Variants in CDYL observed in about 807,000 individuals in gnomAD.
CDYL encodes the protein chromodomain Y-like protein.
Under a neutral mutation model 47.3 loss-of-function variants are expected in CDYL, and 8 were observed. That is an observed-to-expected ratio of 0.17 (90% CI 0.10 to 0.31). CDYL has a LOEUF of 0.31. CDYL is among the 10% of genes least tolerant of loss of function. The pLI is 1.00. For missense variants in CDYL, 471 were observed against 701.4 expected, an observed-to-expected ratio of 0.67 and a Z score of 3.71; for synonymous variants, 266 against 265.0, an observed-to-expected ratio of 1.00 and a Z score of -0.04.
chr6:4,896,427 C>A (rs1762285642), intron 2 of CDYL, among the ~76,000 whole-genome samples: 1 of 152,182 alleles, frequency 6.6e-6, no homozygotes, highest in Admixed American at 6.5e-5. Flanking sequence ...CGGTGCTCTG[C>A]AAGTACTTGT....
chr6:4,890,856 A>G (rs1762022704), intron 1 of CDYL, among the ~76,000 whole-genome samples: 2 of 152,260 alleles, frequency 1.3e-5, no homozygotes, highest in Non-Finnish European at 2.9e-5. Context: ...ATGCTTTTAT[A>G]GTAACTGCAG....
chr6:4,952,186 C>G, intron 5 of CDYL, 80 bp from the exon 6 acceptor site: 2 of 1,486,176 alleles, frequency 1.3e-6, no homozygotes, highest in Middle Eastern at 2.0e-4. Context: ...TGTTTCCCTT[C>G]GGTGTGGATT....
intron 3 of CDYL, 115 bp downstream of exon 3, chr6:4,935,886 C>T: frequency 6.8e-7 from 1 of 1,475,044 alleles, no homozygotes; most frequent in East Asian, 2.3e-5. Context: ...TTTGGGCCAT[C>T]TCCCGATGCC....
At chr6:4,754,073 T>C (rs1343830020) in intron 3 of CDYL, among the ~76,000 whole-genome samples, 2 of 152,122 alleles carry the variant, frequency 1.3e-5, no homozygotes. Context: ...AGTTTGAAGC[T>C]GCAGTGAGCT....
At chr6:4,877,014 C>T (rs1227087924) in intron 1 of CDYL, among the ~76,000 whole-genome samples, 1 of 152,224 alleles carries the variant, frequency 6.6e-6, no homozygotes, top group Non-Finnish European at 1.5e-5. Context: ...CACGTGAGGG[C>T]ACATAAAATG....
chr6:4,906,439 T>C (rs1757238997), intron 2 of CDYL, among the ~76,000 whole-genome samples: 1 of 152,178 alleles, frequency 6.6e-6, no homozygotes, highest in South Asian at 2.1e-4. Context: ...CTGACCCTTC[T>C]CTGGGAGTGC....
intron 1 of CDYL, among the ~76,000 whole-genome samples, chr6:4,856,291 A>C (rs1411772803): frequency 2.0e-5 from 3 of 152,338 alleles, no homozygotes; most frequent in Non-Finnish European, 1.5e-5. Context: ...TTGAAATTTT[A>C]GCTTGGATCG....
At position 4,857,541 on chromosome 6, in the gene CDYL, T is replaced by G. The variant is rs914360995; in HGVS notation, c.25-34172T>G. On this transcript the variant is annotated intron_variant, in intron 1 of 6. Coordinates refer to ENST00000397588, the MANE Select transcript of CDYL (RefSeq NM_004824.4). ...GCAAACTTAAGGTCTTCTTTGTAGC[T>G]TTGTAGGCCTTTGAAGTCCCTTCAG... Among the ~76,000 whole-genome samples the G allele has an allele frequency of 1.3e-4, 20 of 152,184 alleles. 1 individual carries two copies. Among genetic ancestry groups the G allele is most frequent in the Admixed American group, 1.2e-3 (19 of 15,280 alleles).
At chr6:4,727,807 T>C (rs1267689640) in intron 2 of CDYL, among the ~76,000 whole-genome samples, 2 of 152,122 alleles carry the variant, frequency 1.3e-5, no homozygotes, top group East Asian at 3.9e-4. Flanking sequence ...ATGCACTCAA[T>C]GAGTGCTCTT....
intron 2 of CDYL, among the ~76,000 whole-genome samples, chr6:4,895,447 GCA>G (rs1360829546): frequency 0.022 from 1,772 of 81,214 alleles, 804 homozygotes; most frequent in African/African-American, 0.077. Context: ...ACGTATATAT[GCA>G]TATATACATG....
At chr6:4,917,360 C>T (rs540868500) in intron 2 of CDYL, among the ~76,000 whole-genome samples, 3 of 152,162 alleles carry the variant, frequency 2.0e-5, no homozygotes, top group Non-Finnish European at 4.4e-5. Flanking sequence ...CTTTTAGGAG[C>T]TAACCACAAG....
intron 2 of CDYL, among the ~76,000 whole-genome samples, chr6:4,919,009 A>G (rs554276709): frequency 1.3e-5 from 2 of 152,364 alleles, no homozygotes; most frequent in East Asian, 3.9e-4. Context: ...GACGTGGGCA[A>G]AGACACTTGA....
chr6:4,904,824 T>A (rs1757178406), intron 2 of CDYL, among the ~76,000 whole-genome samples: 1 of 152,206 alleles, frequency 6.6e-6, no homozygotes, highest in Non-Finnish European at 1.5e-5. Context: ...CAGGTTGTAC[T>A]TAGGACCCGT....
chr6:4,883,767 C>CA (rs1468079324), intron 1 of CDYL, among the ~76,000 whole-genome samples: 1 of 152,192 alleles, frequency 6.6e-6, no homozygotes, highest in Non-Finnish European at 1.5e-5. Flanking sequence ...ACCAATGCAA[C>CA]ACTGAGACTG....
intron 3 of CDYL, among the ~76,000 whole-genome samples, chr6:4,742,364 CAAA>C (rs60712483): frequency 1.1e-4 from 6 of 52,596 alleles, no homozygotes; most frequent in Admixed American, 4.5e-4. Context: ...GATCCTGTCT[CAAA>C]AAAAAAAAAA....
Position 4,896,611 on chromosome 6 carries a change from G to A in CDYL, c.691+4232G>A, listed in dbSNP as rs954482824. Among the ~76,000 whole-genome samples the A allele has an allele frequency of 1.1e-4, 17 of 152,292 alleles. No homozygotes were observed. In the East Asian group the frequency reaches 1.3e-3, roughly 12 times the overall value. On this transcript the variant is annotated intron_variant, in intron 2 of 6. Transcript: ENST00000397588. ...AACACAGACATTCCAGAAAGCCCTC[G>A]TTCGCCCTCTGGCACATGCTTCCTG...
At position 4,950,458 on chromosome 6, in the gene CDYL, G is replaced by A. The variant is rs999555652; in HGVS notation, c.1333-1808G>A. Among the ~76,000 whole-genome samples, 38 of 152,200 alleles carry A rather than the reference G, an allele frequency of 2.5e-4. 1 individual carries two copies. The highest frequency in any genetic ancestry group is 5.9e-5 in the Non-Finnish European group (4 of 68,034). ...AAACCCCGACAGCACAGAGCACTTCGTGCGGCAGCAGCACACCGGGAGTCC... is the reference window on the plus strand; with the variant it reads ...AAACCCCGACAGCACAGAGCACTTCATGCGGCAGCAGCACACCGGGAGTCC... On this transcript the variant is annotated intron_variant, in intron 5 of 6. Coordinates refer to ENST00000397588, the MANE Select transcript of CDYL (RefSeq NM_004824.4).
chr6:4,776,762 G>T lies in CDYL; in HGVS notation c.-22G>T. 2.9e-6 allele frequency: 1 copy of T among 339,044 alleles called. No individual in the cohort carries two copies. Among genetic ancestry groups the T allele is most frequent in the Non-Finnish European group, 4.2e-6 (1 of 240,424 alleles). 21.0% of individuals were successfully genotyped at this position (339,044 alleles called of 1,614,324 possible). ...CGCCCGCCCCGACCCTGCCCCTCCC[G>T]CCCGCAACTCCGCCGCCCACCATGG... On this transcript the variant is annotated 5_prime_UTR_variant, in exon 1 of 7. Coordinates refer to ENST00000397588, the MANE Select transcript of CDYL (RefSeq NM_004824.4).
chr6:4,853,197 A>G (rs968285798), intron 1 of CDYL, among the ~76,000 whole-genome samples: 16 of 152,218 alleles, frequency 1.1e-4, no homozygotes, highest in African/African-American at 3.4e-4. Flanking sequence ...AGTTGATGAC[A>G]GTAATTCCGT....
Sources: gnomAD v4.1 joint callset for allele counts (sites outside exome capture counted in the v4.1 genomes callset) on GRCh38, gnomAD v4.1.1 for gene constraint, MANE v1.5 for transcripts, NCBI Gene and HGNC (gene_info 2026-07-23, HGNC 2026-07-21) for gene names.